Variants in KDM4C observed in about 807,000 individuals in gnomAD.
KDM4C encodes lysine demethylase 4C, also known as lysine-specific demethylase 4C.
In KDM4C, 81 loss-of-function variants were observed where a neutral mutation model predicts 129.3. The ratio of observed to expected loss-of-function variants is 0.63; its 90% confidence interval spans 0.52 to 0.75. The LOEUF is 0.75. KDM4C is among the 30% of genes least tolerant of loss of function. The pLI is 0.00. For synonymous variants in KDM4C, 573 were observed against 456.1 expected, an observed-to-expected ratio of 1.26 and a Z score of -3.26; for missense variants, 1,457 against 1,304.0, an observed-to-expected ratio of 1.12 and a Z score of -1.81.
At position 6,941,151 on chromosome 9, in the gene KDM4C, C is replaced by G. The variant is rs1445596949; in HGVS notation, c.922-39774C>G. On this transcript the variant is annotated intron_variant, in intron 8 of 21. Coordinates refer to ENST00000381309, the MANE Select transcript of KDM4C (RefSeq NM_015061.6). ...GTTCAAGCGATTCTTGTGCCTCAGC[C>G]TCCCAAGCCACCATGCCCAGCTAAT... Among the ~76,000 whole-genome samples the G allele has an allele frequency of 2.0e-5, 3 of 152,028 alleles. No homozygotes were observed. The East Asian group carries it at 5.8e-4, about 29-fold the overall frequency.
intron 2 of KDM4C, among the ~76,000 whole-genome samples, chr9:6,798,252 CTTTCT>C (rs1319902924): frequency 2.1e-4 from 12 of 58,182 alleles, no homozygotes; most frequent in East Asian, 1.0e-3. Context: ...TTTTTTCTTT[CTTTCT>C]TTTTTTTTTT....
intron 12 of KDM4C, among the ~76,000 whole-genome samples, chr9:6,996,394 C>T (rs577503668): frequency 2.6e-5 from 4 of 152,304 alleles, no homozygotes; most frequent in African/African-American, 9.6e-5. Flanking sequence ...AGCTTTCATC[C>T]TGCACATGTG....
intron 8 of KDM4C, among the ~76,000 whole-genome samples, chr9:6,936,413 A>G (rs528838695): frequency 7.5e-4 from 114 of 152,368 alleles, no homozygotes; most frequent in Admixed American, 1.8e-3. Flanking sequence ...AAAAGAATGC[A>G]TATATACATT....
At chr9:7,085,347 G>C (rs1374786445) in intron 17 of KDM4C, among the ~76,000 whole-genome samples, 1 of 152,100 alleles carries the variant, frequency 6.6e-6, no homozygotes, top group Non-Finnish European at 1.5e-5. Context: ...GATTTTTCTT[G>C]CTTTTTCTTT....
rs1413100889 is a variant in KDM4C at position 6,729,870 on chromosome 9, G to T, written c.49+8873G>T. Among the ~76,000 whole-genome samples, 2 of 134,476 alleles carry T rather than the reference G, an allele frequency of 1.5e-5. 1 individual carries two copies. Among genetic ancestry groups the T allele is most frequent in the East Asian group, 4.7e-4 (2 of 4,244 alleles). The allele number at this position is 134,476 out of a possible 152,430, so 88.2% of individuals were successfully genotyped here. On this transcript the variant is annotated intron_variant, in intron 1 of 17. Coordinates refer to the KDM4C transcript ENST00000536108. ...TATGCCTATAATCCCAGCACTTTGG[G>T]AGGGAGAGGCGGGCGGATCACCTGA... is the stretch of plus-strand genomic sequence containing the variant.
intron 15 of KDM4C, among the ~76,000 whole-genome samples, chr9:7,021,785 C>G (rs1179658980): frequency 2.6e-5 from 4 of 152,166 alleles, no homozygotes; most frequent in Admixed American, 6.5e-5. Flanking sequence ...TTCATAGTTT[C>G]AGGTCTTAGA....
chr9:6,760,992 TCC>T (rs1380806721), intron 1 of KDM4C, among the ~76,000 whole-genome samples: 1 of 149,466 alleles, frequency 6.7e-6, no homozygotes, highest in Non-Finnish European at 1.5e-5. Flanking sequence ...TGTTTTCCTT[TCC>T]TGGATGTCTT....
At chr9:6,750,546 C>T (rs1382734718) in intron 1 of KDM4C, among the ~76,000 whole-genome samples, 2 of 151,928 alleles carry the variant, frequency 1.3e-5, no homozygotes, top group Admixed American at 1.3e-4. Flanking sequence ...AGTTCAGGAA[C>T]AACTGAAAGC....
chr9:6,980,884 T>G, intron 8 of KDM4C, 41 bp from the exon 9 acceptor site: 1 of 1,574,496 alleles, frequency 6.4e-7, no homozygotes. Context: ...ACTGTATAGT[T>G]AGCGAAACGT....
At chr9:6,949,172 G>T (rs1827597666) in intron 8 of KDM4C, among the ~76,000 whole-genome samples, 1 of 151,090 alleles carries the variant, frequency 6.6e-6, no homozygotes, top group Non-Finnish European at 1.5e-5. Flanking sequence ...TCTTAGACGG[G>T]GTGGCTGCCG....
intron 19 of KDM4C, among the ~76,000 whole-genome samples, chr9:7,161,653 CTCTG>C (rs1426426704): frequency 1.3e-5 from 2 of 152,176 alleles, no homozygotes; most frequent in Non-Finnish European, 2.9e-5. Flanking sequence ...GTGCAATGCC[CTCTG>C]TCTGTCCCTG....
intron 4 of KDM4C, among the ~76,000 whole-genome samples, chr9:6,825,594 C>G (rs1308959663): frequency 6.6e-6 from 1 of 152,100 alleles, no homozygotes; most frequent in South Asian, 2.1e-4. Context: ...TGTGTTTTGT[C>G]TTATAAACCA....
intron 20 of KDM4C, among the ~76,000 whole-genome samples, chr9:7,165,998 A>G (rs1028156805): frequency 6.6e-6 from 1 of 152,236 alleles, no homozygotes; most frequent in Non-Finnish European, 1.5e-5. Context: ...AGAAATGAGA[A>G]TGAGTTAAGC....
At chr9:6,850,730 C>G (rs1384321642) in intron 5 of KDM4C, among the ~76,000 whole-genome samples, 1 of 151,312 alleles carries the variant, frequency 6.6e-6, no homozygotes, top group East Asian at 1.9e-4. Flanking sequence ...CCACACCCAG[C>G]CAATGTATTT....
At chr9:6,950,077 G>GTTTT (rs34684815) in intron 8 of KDM4C, among the ~76,000 whole-genome samples, 3 of 131,282 alleles carry the variant, frequency 2.3e-5, no homozygotes, top group African/African-American at 8.6e-5. Context: ...ATCTTTTCTT[G>GTTTT]TTTTTTTTTT....
chr9:7,060,065 C>A (rs1416662608), intron 17 of KDM4C, among the ~76,000 whole-genome samples: 1 of 152,084 alleles, frequency 6.6e-6, no homozygotes, highest in African/African-American at 2.4e-5. Context: ...TTCTTCAATC[C>A]AGTGTTCTCA....
intron 8 of KDM4C, among the ~76,000 whole-genome samples, chr9:6,974,272 T>A (rs1454953039): frequency 3.3e-5 from 5 of 152,226 alleles, no homozygotes; most frequent in Non-Finnish European, 7.3e-5. Flanking sequence ...GAAATCAGTA[T>A]ACCTGAACAT....
chr9:6,966,075 G>C (rs913592552), intron 8 of KDM4C, among the ~76,000 whole-genome samples: 3 of 152,144 alleles, frequency 2.0e-5, no homozygotes, highest in African/African-American at 7.2e-5. Flanking sequence ...AGTTAACTTT[G>C]CATTTAGATG....
intron 4 of KDM4C, among the ~76,000 whole-genome samples, chr9:6,839,818 G>C (rs550680340): frequency 6.6e-6 from 1 of 151,982 alleles, no homozygotes; most frequent in Admixed American, 6.6e-5. Context: ...CAGGAGAATC[G>C]CTTGAACCTG....
Sources: allele counts gnomAD v4.1 joint callset (sites outside exome capture counted in the v4.1 genomes callset), GRCh38; gene constraint gnomAD v4.1.1; transcripts MANE v1.5; gene names NCBI Gene and HGNC (gene_info 2026-07-23, HGNC 2026-07-21).